Variants in ATP13A5 observed in about 807,000 individuals in gnomAD.
The protein encoded by ATP13A5 is ATPase 13A5, also known as probable cation-transporting ATPase 13A5.
In ATP13A5, 149 loss-of-function variants were observed where a neutral mutation model predicts 150.2. The ratio of observed to expected loss-of-function variants is 0.99; its 90% confidence interval spans 0.87 to 1.14. ATP13A5 has a LOEUF of 1.14. Among genes scored for constraint, ATP13A5 ranks in the 50% most tolerant of loss-of-function variants. The pLI is 0.00. For missense variants in ATP13A5, 1,383 were observed against 1,449.3 expected, an observed-to-expected ratio of 0.95 and a Z score of 0.74; for synonymous variants, 497 against 522.2, an observed-to-expected ratio of 0.95 and a Z score of 0.66.
chr3:193,362,856 G>A (rs551573511), intron 3 of ATP13A5, among the ~76,000 whole-genome samples: 46 of 145,184 alleles, frequency 3.2e-4, no homozygotes, highest in African/African-American at 4.8e-4. Context: ...GTGCAGTGGC[G>A]TGATGACCAC....
At chr3:193,281,322 C>A in intron 27 of ATP13A5, 1 of 417,402 alleles carries the variant, frequency 2.4e-6, no homozygotes, top group Non-Finnish European at 3.2e-6. Context: ...GGTCTAAAAA[C>A]TAGGTCTCGC....
chr3:193,324,427 A>G (rs76461249), intron 14 of ATP13A5, among the ~76,000 whole-genome samples: 2,215 of 152,304 alleles, frequency 0.015, 47 homozygotes, highest in Admixed American at 0.052. Flanking sequence ...TGGCTGCTCT[A>G]CCAGAGAACA....
At chr3:193,307,837 A>C (rs923601077) in intron 21 of ATP13A5, among the ~76,000 whole-genome samples, 1 of 152,238 alleles carries the variant, frequency 6.6e-6, no homozygotes, top group East Asian at 1.9e-4. Flanking sequence ...AACTAGAGAC[A>C]TATATTCATA....
At chr3:193,313,763 T>C (rs1008616206) in intron 19 of ATP13A5, 2 of 382,034 alleles carry the variant, frequency 5.2e-6, no homozygotes, top group East Asian at 4.4e-5. Context: ...GACTGCACAC[T>C]GGAATTGCTG....
At chr3:193,377,133 T>C (rs1002783612) in intron 1 of ATP13A5, among the ~76,000 whole-genome samples, 1 of 152,182 alleles carries the variant, frequency 6.6e-6, no homozygotes, top group Non-Finnish European at 1.5e-5. Flanking sequence ...ATAAAGCAAC[T>C]AGTTAGAGAA....
intron 9 of ATP13A5, 84 bp from the exon 10 acceptor site, chr3:193,335,183 C>T: frequency 5.5e-6 from 7 of 1,268,914 alleles, no homozygotes; most frequent in Admixed American, 3.6e-5. Flanking sequence ...AGAAATTATA[C>T]AAACCACAAC....
chr3:193,289,974 A>C lies in ATP13A5; in HGVS notation c.2934T>G (p.Phe978Leu), dbSNP rs769791792. ...CAATGCAGGAGAAACAGGAATTCAA[A>C]AATATTGAAAGCAGTAAAGGGGGAG... is the stretch of plus-strand genomic sequence containing the variant. ...LLSPPLLLSI[F>L]LNSCFSCIVQ... Residue 978 changes from phenylalanine to leucine, a missense_variant, in exon 26 of 30, where the codon TTT becomes TTG. Transcript: ENST00000342358. 1.2e-6 allele frequency: 2 copies of C among 1,613,008 alleles called. No individual in the cohort carries two copies. The highest frequency in any genetic ancestry group is 1.7e-6 in the Non-Finnish European group (2 of 1,179,306).
chr3:193,362,477 G>T lies in ATP13A5; in HGVS notation c.456-16C>A, dbSNP rs778189448. On this transcript the variant is annotated splice_polypyrimidine_tract_variant and intron_variant, in intron 4 of 29. Transcript: ENST00000342358. ...TTCTAGCAACCTAGGATGTATTCAG[G>T]ATAGGAACCACACTTCAGTTCATAG... is the stretch of plus-strand genomic sequence containing the variant. 3.7e-6 allele frequency: 6 copies of T among 1,613,664 alleles called. No individual in the cohort carries two copies. Among genetic ancestry groups the T allele is most frequent in the Non-Finnish European group, 5.1e-6 (6 of 1,179,716 alleles).
chr3:193,279,576 A>T (rs551191824), intron 27 of ATP13A5, 122 bp from the exon 28 acceptor site: 1 of 693,868 alleles, frequency 1.4e-6, no homozygotes, highest in East Asian at 2.8e-5. Flanking sequence ...ATGTTTTGAT[A>T]TATCCTCATA....
At chr3:193,342,896 T>C (rs974360154) in intron 9 of ATP13A5, among the ~76,000 whole-genome samples, 1 of 152,222 alleles carries the variant, frequency 6.6e-6, no homozygotes, top group Non-Finnish European at 1.5e-5. Context: ...TCAGATACTA[T>C]GGCAACATTC....
At chr3:193,278,230 A>G (rs1290873397) in intron 28 of ATP13A5, among the ~76,000 whole-genome samples, 1 of 152,220 alleles carries the variant, frequency 6.6e-6, no homozygotes, top group African/African-American at 2.4e-5. Flanking sequence ...TGTTTGATAA[A>G]TGAATGACTT....
chr3:193,316,659 A>G (rs1196634329), intron 17 of ATP13A5, among the ~76,000 whole-genome samples: 1 of 152,046 alleles, frequency 6.6e-6, no homozygotes, highest in Non-Finnish European at 1.5e-5. Flanking sequence ...TCATTTTTAA[A>G]TTGGATTATT....
chr3:193,303,783 A>ATG (rs201903248), intron 23 of ATP13A5, among the ~76,000 whole-genome samples: 6 of 151,450 alleles, frequency 4.0e-5, no homozygotes, highest in Admixed American at 6.6e-5. Flanking sequence ...CTTCATTTGT[A>ATG]TGTGTGTGTG....
intron 1 of ATP13A5, among the ~76,000 whole-genome samples, chr3:193,369,119 C>T (rs1367002230): frequency 6.6e-6 from 1 of 151,932 alleles, no homozygotes; most frequent in African/African-American, 2.4e-5. Context: ...TGGTGCACAC[C>T]TGTTGTCCCA....
intron 13 of ATP13A5, 132 bp from the exon 14 acceptor site, chr3:193,325,146 A>G: frequency 1.1e-6 from 1 of 872,286 alleles, no homozygotes. Context: ...CCTATGCTCC[A>G]AATGATAAAG....
chr3:193,368,392 T>TTGTGTGTGTGTGTGTGTGTG lies in ATP13A5; in HGVS notation c.64-4132_64-4113dup, dbSNP rs1286543236. On this transcript the variant is annotated intron_variant, in intron 1 of 29. Transcript: ENST00000342358. ...AATCCAATTTAAAATCTCTTCAGAC[T>TTGTGTGTGTGTGTGTGTGTG]TGTGTGTGTGTGTGTGTGTGTGTGT... Among the ~76,000 whole-genome samples the TTGTGTGTGTGTGTGTGTGTG allele has an allele frequency of 2.2e-3, 322 of 147,344 alleles. 2 individuals carry two copies. The highest frequency in any genetic ancestry group is 3.3e-3 in the Admixed American group (48 of 14,748).
At chr3:193,315,518 A>G (rs1043945448) in intron 17 of ATP13A5, among the ~76,000 whole-genome samples, 1 of 152,206 alleles carries the variant, frequency 6.6e-6, no homozygotes, top group African/African-American at 2.4e-5. Flanking sequence ...AGTTGAATAC[A>G]GTGTCATTCA....
Position 193,324,892 on chromosome 3 carries a change from T to A in ATP13A5, c.1646A>T (p.Asp549Val), listed in dbSNP as rs1440712868. 2 of 1,614,068 alleles carry A rather than the reference T, an allele frequency of 1.2e-6. No homozygotes were observed. Among genetic ancestry groups the A allele is most frequent in the South Asian group, 2.2e-5 (2 of 91,076 alleles). ...LNGTIQGDPL[D>V]LKMFEGTAWK... ...GGCAGTGCCCTCAAACATTTTGAGG[T>A]CCAGAGGGTCTCCCTGGATGGTCCC... Residue 549 changes from aspartate to valine, a missense_variant, in exon 14 of 30, where the codon GAC becomes GTC. Physicochemically the swap from Asp to Val is radical, Grantham distance 152. This residue lies in a region of ATP13A5 where 787 missense variants were observed against 771.9 expected (regional missense o/e 1.02). Transcript: ENST00000342358.
intron 29 of ATP13A5, among the ~76,000 whole-genome samples, chr3:193,275,886 T>G (rs1410010863): frequency 2.0e-5 from 3 of 152,204 alleles, no homozygotes; most frequent in Non-Finnish European, 4.4e-5. Context: ...AATTTTTATT[T>G]TATTATGGGA....
Sources: gnomAD v4.1 joint callset for allele counts (sites outside exome capture counted in the v4.1 genomes callset) on GRCh38, gnomAD v4.1.1 for gene constraint, gnomAD v4.1.1 regional missense constraint, MANE v1.5 for transcripts, NCBI Gene and HGNC (gene_info 2026-07-23, HGNC 2026-07-21) for gene names.